The following OR51E1 variants were observed in gnomAD, a reference collection of about 807,000 sequenced individuals.
The protein encoded by OR51E1 is olfactory receptor 51E1.
Under a neutral mutation model 11.5 loss-of-function variants are expected in OR51E1, and 9 were observed. The observed-to-expected ratio is 0.78, with a 90% CI of 0.47 to 1.37. OR51E1 has a LOEUF of 1.37. Among genes scored for constraint, OR51E1 ranks in the 40% most tolerant of loss-of-function variants. The pLI is 0.00. For synonymous variants in OR51E1, 168 were observed against 158.3 expected (o/e 1.06, Z -0.46); for missense variants, 397 against 410.2 (o/e 0.97, Z 0.28).
rs1399131241 is a variant in OR51E1 at position 4,653,108 on chromosome 11, T to C, written c.582T>C (p.Asp194=). ...ATGTCATGAAGCTGGCCTGTGATGA[T>C]ATCCGGGTCAATGTCGTCTATGGCC... is the stretch of plus-strand genomic sequence containing the variant. ...HQDVMKLACD[D]IRVNVVYGLI... The change falls in exon 2 of 2, where the codon GAT becomes GAC. Residue 194 remains aspartate, a synonymous_variant. Coordinates refer to ENST00000396952, the MANE Select transcript of OR51E1 (RefSeq NM_152430.4). The C allele has an allele frequency of 6.2e-7, 1 of 1,613,930 alleles. No individual in the cohort carries two copies. The highest frequency in any genetic ancestry group is 1.7e-5 in the Admixed American group (1 of 60,014).
At chr11:4,644,400 A>G (rs4910523) in intron 1 of OR51E1, among the ~76,000 whole-genome samples, 63,468 of 151,398 alleles carry the variant, frequency 0.42, 14,875 homozygotes, top group Middle Eastern at 0.54. Flanking sequence ...TGGTGTGTGA[A>G]CAGGGTGAAC....
Position 4,653,049 on chromosome 11 carries a change from A to G in OR51E1, c.523A>G (p.Asn175Asp). Reference protein sequence around the residue: ...FIKQLPFCRSNILSHSYCLHQ... With the variant: ...FIKQLPFCRSDILSHSYCLHQ... Reference sequence around the variant, plus strand: ...CAAGCAGCTGCCCTTCTGCCGCTCCAATATCCTTTCCCATTCCTACTGCCT... The same window carrying G: ...CAAGCAGCTGCCCTTCTGCCGCTCCGATATCCTTTCCCATTCCTACTGCCT... The change falls in exon 2 of 2, where the codon AAT becomes GAT. Residue 175 changes from asparagine to aspartate, a missense_variant. Asn to Asp is a conservative substitution (Grantham distance 23). Coordinates refer to ENST00000396952, the MANE Select transcript of OR51E1 (RefSeq NM_152430.4). 1 of 1,613,580 alleles carries G rather than the reference A, an allele frequency of 6.2e-7. No individual in the cohort carries two copies. Among genetic ancestry groups the G allele is most frequent in the Non-Finnish European group, 8.5e-7 (1 of 1,179,666 alleles).
In OR51E1 at chr11:4,653,259, T is replaced by C. The variant is rs971561234; in HGVS notation, c.733T>C (p.Ser245Pro). Residue 245 changes from serine (S) to proline (P), a missense_variant, in exon 2 of 2, where the codon TCT becomes CCT. Transcript: ENST00000396952. ...GGCCAAGGCATTTGGCACTTGCGTC[T>C]CTCATGTGTGTGCTGTGTTCATATT... ...AQAKAFGTCVSHVCAVFIFYV... is the reference protein window; with the variant it reads ...AQAKAFGTCVPHVCAVFIFYV... The C allele has an allele frequency of 3.1e-6, 5 of 1,614,050 alleles. No individual in the cohort carries two copies. In the African/African-American group the frequency reaches 5.3e-5, roughly 17 times the overall value.
In OR51E1 at chr11:4,652,973, G is replaced by A. The variant is rs747192401; in HGVS notation, c.447G>A (p.Val149=). ...TGCCTCGTGTCACCAAAATTGGTGT[G>A]GCTGCTGTGGTGCGGGGGGCTGCAC... ...LTLPRVTKIG[V]AAVVRGAALM... Residue 149 remains valine (V), a synonymous_variant, in exon 2 of 2, where the codon GTG becomes GTA. Transcript: ENST00000396952. The A allele has an allele frequency of 1.9e-6, 3 of 1,605,076 alleles. No individual in the cohort carries two copies. The South Asian group carries it at 3.4e-5, about 18-fold the overall frequency.
In OR51E1 at chr11:4,652,850, C is replaced by T. The variant is rs950526308; in HGVS notation, c.324C>T (p.His108=). The T allele has an allele frequency of 1.2e-6, 2 of 1,614,104 alleles. No homozygotes were observed. The highest frequency in any genetic ancestry group is 1.7e-6 in the Non-Finnish European group (2 of 1,179,958). The change falls in exon 2 of 2, where the codon CAC becomes CAT. Residue 108 remains histidine (H), a synonymous_variant. Transcript: ENST00000396952. The part of the protein sequence containing the change: ...DACLLQMFAI[H]SLSGMESTVL... Reference sequence around the variant, plus strand: ...GTCTGCTACAGATGTTTGCCATCCACTCCTTATCTGGCATGGAATCCACAG... The same window carrying T: ...GTCTGCTACAGATGTTTGCCATCCATTCCTTATCTGGCATGGAATCCACAG...
intron 1 of OR51E1, among the ~76,000 whole-genome samples, chr11:4,651,153 A>G (rs1847092706): frequency 6.6e-6 from 1 of 152,200 alleles, no homozygotes; most frequent in Non-Finnish European, 1.5e-5. Context: ...TTATAGTCAG[A>G]TTCAGTTTGT....
intron 1 of OR51E1, among the ~76,000 whole-genome samples, chr11:4,645,265 T>G (rs144832054): frequency 3.5e-4 from 53 of 152,334 alleles, no homozygotes; most frequent in South Asian, 1.5e-3. Context: ...TCAATATGTT[T>G]TTGTTGTCTA....
At chr11:4,652,150 T>A (rs979713821) in intron 1 of OR51E1, among the ~76,000 whole-genome samples, 1 of 152,168 alleles carries the variant, frequency 6.6e-6, no homozygotes, top group Non-Finnish European at 1.5e-5. Flanking sequence ...ATAGAGGAAA[T>A]GGTGAGATAT....
At chr11:4,648,125 T>G (rs1339798425) in intron 1 of OR51E1, among the ~76,000 whole-genome samples, 4 of 152,226 alleles carry the variant, frequency 2.6e-5, no homozygotes, top group African/African-American at 9.6e-5. Context: ...TGCTGTAGTC[T>G]TCTGGGGTCC....
chr11:4,646,346 C>G (rs955466378), intron 1 of OR51E1, among the ~76,000 whole-genome samples: 1 of 152,098 alleles, frequency 6.6e-6, no homozygotes, highest in African/African-American at 2.4e-5. Flanking sequence ...CCGAGAGGGG[C>G]CCCTGGACTC....
intron 1 of OR51E1, among the ~76,000 whole-genome samples, chr11:4,649,017 C>G (rs2133225259): frequency 6.6e-6 from 1 of 152,324 alleles, no homozygotes; most frequent in South Asian, 2.1e-4. Context: ...AACAGGCAGT[C>G]TTAACTATGC....
At chr11:4,649,760 G>A (rs1847071667) in intron 1 of OR51E1, among the ~76,000 whole-genome samples, 1 of 152,142 alleles carries the variant, frequency 6.6e-6, no homozygotes. Context: ...AGAAACACTG[G>A]AGGAAAATGG....
chr11:4,647,329 C>A (rs1338955499), intron 1 of OR51E1, among the ~76,000 whole-genome samples: 2 of 152,182 alleles, frequency 1.3e-5, no homozygotes, highest in Admixed American at 6.5e-5. Context: ...TACCATCTCA[C>A]TAAGTTCTAA....
Position 4,654,837 on chromosome 11 carries a change from C to G in OR51E1, c.*1354C>G, listed in dbSNP as rs12421779. The G allele has an allele frequency of 0.12, 19,552 of 167,074 alleles. 1,510 individuals are homozygous for G. The highest frequency in any genetic ancestry group is 0.18 in the Non-Finnish European group (12,166 of 68,068). The allele number at this position is 167,074 out of a possible 1,614,324, so 10.3% of individuals were successfully genotyped here. A position where few individuals can be genotyped will look rare whatever the true frequency, so the allele number is the denominator to read the frequency against. On this transcript the variant is annotated 3_prime_UTR_variant, in exon 2 of 2. Coordinates refer to ENST00000396952, the MANE Select transcript of OR51E1 (RefSeq NM_152430.4). ...CAACAGGATATGACAACAGTGTTAA[C>G]CAAGAAACTCAAATTACAAATACTA... is the stretch of plus-strand genomic sequence containing the variant.
chr11:4,652,218 T>C (rs549842061), intron 1 of OR51E1, among the ~76,000 whole-genome samples: 7 of 152,352 alleles, frequency 4.6e-5, no homozygotes, highest in African/African-American at 1.7e-4. Flanking sequence ...GAGAACTAAA[T>C]GGTTTGGCAT....
At position 4,652,918 on chromosome 11, in the gene OR51E1, A is replaced by G. The variant is rs1268832005; in HGVS notation, c.392A>G (p.His131Arg). The change falls in exon 2 of 2, where the codon CAC (histidine) becomes CGC (arginine). Residue 131 changes from histidine (H) to arginine (R), a missense_variant. By Grantham distance (29) the His-to-Arg change is conservative. Transcript: ENST00000396952. ...TTTGACCGCTATGTGGCCATCTGTC[A>G]CCCACTGCGCCATGCCACAGTACTT... ...MAFDRYVAICHPLRHATVLTL... is the reference protein window; with the variant it reads ...MAFDRYVAICRPLRHATVLTL... 6.2e-7 allele frequency: 1 copy of G among 1,611,018 alleles called. No individual in the cohort carries two copies. Among genetic ancestry groups the G allele is most frequent in the Admixed American group, 1.7e-5 (1 of 59,916 alleles).
intron 1 of OR51E1, among the ~76,000 whole-genome samples, chr11:4,648,256 T>C (rs1334745199): frequency 6.6e-6 from 1 of 152,246 alleles, no homozygotes; most frequent in African/African-American, 2.4e-5. Context: ...TGCCCAGTCT[T>C]GCTATTGTGA....
In OR51E1 at chr11:4,643,997, A is replaced by C. The variant is rs540093891; in HGVS notation, c.-73A>C. ...GACCTCTTCTGGAGGAAGACTGGAC[A>C]AAGGGGGTCACACATTCCTTCCATA... On this transcript the variant is annotated 5_prime_UTR_variant, in exon 1 of 2. Transcript: ENST00000396952. 6.5e-6 allele frequency: 1 copy of C among 153,112 alleles called. No individual in the cohort carries two copies. The highest frequency in any genetic ancestry group is 1.9e-4 in the East Asian group (1 of 5,172). 9.5% of individuals were successfully genotyped at this position (153,112 alleles called of 1,614,324 possible). A position where few individuals can be genotyped will look rare whatever the true frequency, so the allele number is the denominator to read the frequency against.
At chr11:4,644,481 T>G (rs1248328537) in intron 1 of OR51E1, among the ~76,000 whole-genome samples, 1 of 152,024 alleles carries the variant, frequency 6.6e-6, no homozygotes, top group African/African-American at 2.4e-5. Flanking sequence ...TGAGTGAGGT[T>G]GGTTTCACTG....
Sources: gnomAD v4.1 joint callset for allele counts (sites outside exome capture counted in the v4.1 genomes callset) on GRCh38, gnomAD v4.1.1 for gene constraint, MANE v1.5 for transcripts, NCBI Gene and HGNC (gene_info 2026-07-23, HGNC 2026-07-21) for gene names.